Variants in TMTC1 observed in about 807,000 individuals in gnomAD.
TMTC1 encodes the protein transmembrane O-mannosyltransferase targeting cadherins 1.
In TMTC1, 73 loss-of-function variants were observed where a neutral mutation model predicts 104.8. The ratio of observed to expected loss-of-function variants is 0.70; its 90% confidence interval spans 0.58 to 0.85. The LOEUF is 0.85. Ranked by LOEUF, TMTC1 falls within the 40% of genes least tolerant of loss-of-function variation. TMTC1 has a pLI of 0.00. For missense variants in TMTC1, 1,035 were observed against 1,096.1 expected, an observed-to-expected ratio of 0.94 and a Z score of 0.79; for synonymous variants, 434 against 428.7, an observed-to-expected ratio of 1.01 and a Z score of -0.15.
chr12:29,767,857 C>CAT (rs148049141), intron 2 of TMTC1, 41 bp downstream of exon 2: 95 of 1,580,036 alleles, frequency 6.0e-5, no homozygotes, highest in South Asian at 5.6e-4. Context: ...TACATACACA[C>CAT]ATTCATATTC....
chr12:29,682,461 G>A (rs777477683), intron 5 of TMTC1, among the ~76,000 whole-genome samples: 3 of 151,934 alleles, frequency 2.0e-5, no homozygotes, highest in Admixed American at 6.6e-5. Flanking sequence ...TTGTAATAGC[G>A]CAAAACTGAA....
At chr12:29,772,297 A>G (rs1943611814) in intron 1 of TMTC1, among the ~76,000 whole-genome samples, 1 of 152,206 alleles carries the variant, frequency 6.6e-6, no homozygotes, top group Admixed American at 6.6e-5. Context: ...AATTTGCCAT[A>G]GTCTCTACCA....
intron 6 of TMTC1, among the ~76,000 whole-genome samples, chr12:29,619,389 G>T (rs1947071353): frequency 6.6e-6 from 1 of 152,196 alleles, no homozygotes; most frequent in Admixed American, 6.5e-5. Context: ...ATTTGTAAAA[G>T]TTTCAGCTCC....
intron 10 of TMTC1, among the ~76,000 whole-genome samples, chr12:29,538,281 A>G (rs989805880): frequency 6.6e-6 from 1 of 152,190 alleles, no homozygotes; most frequent in East Asian, 1.9e-4. Flanking sequence ...TCAAGTTTCT[A>G]TTCTATAATA....
chr12:29,710,559 A>T (rs1941873427), intron 5 of TMTC1, among the ~76,000 whole-genome samples: 2 of 145,466 alleles, frequency 1.4e-5, no homozygotes, highest in Non-Finnish European at 3.0e-5. Flanking sequence ...AATATATATA[A>T]AATATTGTAT....
rs150484585 is a variant in TMTC1, at chr12:29,679,083, C to T, written c.939-45747G>A. 4.6e-4 allele frequency among the ~76,000 whole-genome samples: 70 copies of T among 152,244 alleles called. 1 individual carries two copies. The East Asian group carries it at 0.011, about 25-fold the overall frequency. ...GTGAATAGCTAAATAAATTTTCATA[C>T]AACCATGCAGTGCAATATCATTCAA... is the stretch of plus-strand genomic sequence containing the variant. On this transcript the variant is annotated intron_variant, in intron 5 of 17. Transcript: ENST00000539277.
intron 5 of TMTC1, among the ~76,000 whole-genome samples, chr12:29,710,593 ATTATAC>A (rs1414196868): frequency 7.0e-6 from 1 of 143,686 alleles, no homozygotes; most frequent in Non-Finnish European, 1.5e-5. Context: ...ATTTATATTT[ATTATAC>A]TTATAATTTT....
At chr12:29,758,906 G>T (rs1340448909) in intron 2 of TMTC1, 129 bp from the exon 3 acceptor site, 1 of 750,558 alleles carries the variant, frequency 1.3e-6, no homozygotes, top group Non-Finnish European at 2.0e-6. Flanking sequence ...AAATCTCACT[G>T]TTCTTCAAGT....
intron 5 of TMTC1, among the ~76,000 whole-genome samples, chr12:29,691,718 A>AG (rs1293383847): frequency 2.0e-5 from 2 of 101,610 alleles, no homozygotes; most frequent in African/African-American, 1.1e-4. Context: ...ACCCAAAAGT[A>AG]GGAAAAAAAA....
intron 5 of TMTC1, among the ~76,000 whole-genome samples, chr12:29,716,787 A>G (rs1942094869): frequency 6.6e-6 from 1 of 152,202 alleles, no homozygotes; most frequent in Admixed American, 6.5e-5. Flanking sequence ...AAGCCGAGGC[A>G]GGCAGATCAC....
At chr12:29,558,967 C>T (rs954084463) in intron 9 of TMTC1, among the ~76,000 whole-genome samples, 6 of 152,152 alleles carry the variant, frequency 3.9e-5, no homozygotes, top group African/African-American at 7.2e-5. Context: ...AGCCAGGACT[C>T]GAATTCTTCT....
At chr12:29,610,137 A>G (rs760769739) in intron 6 of TMTC1, among the ~76,000 whole-genome samples, 1 of 152,216 alleles carries the variant, frequency 6.6e-6, no homozygotes, top group African/African-American at 2.4e-5. Flanking sequence ...GTTTCCTGCC[A>G]GGAATCTGAT....
chr12:29,781,826 A>G (rs554653323), intron 1 of TMTC1, among the ~76,000 whole-genome samples: 45 of 152,310 alleles, frequency 3.0e-4, no homozygotes, highest in Admixed American at 1.4e-3. Context: ...GTGAGATCCC[A>G]TCCCAAAAAA....
chr12:29,677,444 C>T (rs1940768885), intron 5 of TMTC1, among the ~76,000 whole-genome samples: 1 of 152,208 alleles, frequency 6.6e-6, no homozygotes, highest in Non-Finnish European at 1.5e-5. Flanking sequence ...ATTAATCCTA[C>T]TGTATGAGCC....
intron 1 of TMTC1, among the ~76,000 whole-genome samples, chr12:29,776,983 G>A (rs1264196866): frequency 6.6e-6 from 1 of 152,170 alleles, no homozygotes; most frequent in Non-Finnish European, 1.5e-5. Flanking sequence ...GGATCAGAGA[G>A]GTAGCCAGGG....
intron 2 of TMTC1, among the ~76,000 whole-genome samples, chr12:29,761,632 T>C (rs184913023): frequency 2.6e-5 from 4 of 151,850 alleles, no homozygotes; most frequent in African/African-American, 9.7e-5. Flanking sequence ...AAATGGGATA[T>C]AGCTTTTTAA....
chr12:29,571,613 A>G (rs1307167013), intron 9 of TMTC1, among the ~76,000 whole-genome samples: 1 of 150,388 alleles, frequency 6.6e-6, no homozygotes. Context: ...CACACAATTA[A>G]CGTATCCCCA....
At chr12:29,600,704 C>T (rs1269853338) in intron 7 of TMTC1, among the ~76,000 whole-genome samples, 1 of 152,162 alleles carries the variant, frequency 6.6e-6, no homozygotes, top group Non-Finnish European at 1.5e-5. Context: ...CTGACCCTTT[C>T]GTCAGCCCCC....
At chr12:29,647,868 A>G (rs1939338318) in intron 5 of TMTC1, among the ~76,000 whole-genome samples, 1 of 152,206 alleles carries the variant, frequency 6.6e-6, no homozygotes, top group Non-Finnish European at 1.5e-5. Context: ...TGAATGTGAT[A>G]AAGGCAATAC....
Sources: allele counts gnomAD v4.1 joint callset (sites outside exome capture counted in the v4.1 genomes callset), GRCh38; gene constraint gnomAD v4.1.1; transcripts MANE v1.5; gene names NCBI Gene and HGNC (gene_info 2026-07-23, HGNC 2026-07-21).